The following GATA6 variants were observed in gnomAD, a reference collection of about 807,000 sequenced individuals.
The protein encoded by GATA6 is GATA binding protein 6.
A neutral mutation model predicts 48.1 loss-of-function variants in GATA6; 11 were observed. The ratio of observed to expected loss-of-function variants is 0.23; its 90% CI spans 0.14 to 0.38. The LOEUF is 0.38. GATA6 is among the 10% of genes least tolerant of loss of function. GATA6 has a pLI of 1.00. For missense variants in GATA6, 795 were observed against 850.3 expected (o/e 0.93, Z 0.81); for synonymous variants, 419 against 396.1 (o/e 1.06, Z -0.69).
chr18:22,192,150 G>A (rs1347721672), intron 6 of GATA6, among the ~76,000 whole-genome samples: 1 of 152,192 alleles, frequency 6.6e-6, no homozygotes, highest in African/African-American at 2.4e-5. Context: ...GCAGCCAGGC[G>A]CTAGCTCCAG....
At chr18:22,177,518 T>C (rs1189457480) in intron 3 of GATA6, among the ~76,000 whole-genome samples, 1 of 152,218 alleles carries the variant, frequency 6.6e-6, no homozygotes, top group Non-Finnish European at 1.5e-5. Context: ...GTAATAATTC[T>C]GGTAAGATAG....
At chr18:22,181,426 C>T (rs1321354306) in intron 3 of GATA6, 27 bp from the exon 4 acceptor site, 1 of 1,613,212 alleles carries the variant, frequency 6.2e-7, no homozygotes, top group Non-Finnish European at 8.5e-7. Flanking sequence ...TTATATTTTT[C>T]CACTTATGTT....
chr18:22,172,163 A>G lies in GATA6; in HGVS notation c.1019A>G (p.Tyr340Cys). The change falls in exon 2 of 7, where the codon TAC becomes TGC. Residue 340 changes from tyrosine (Y) to cysteine (C), a missense_variant. By Grantham distance (194) the Tyr-to-Cys change is radical (BLOSUM62 -2). Coordinates refer to ENST00000269216, the MANE Select transcript of GATA6 (RefSeq NM_005257.6). The surrounding 1 kb of genome is among the most constrained non-coding windows in gnomAD (Gnocchi z 5.2). ...CACCATCCGAGCCCCTACTCGCCCT[A>G]CGTGGGGGCGCCACTGACGCCTGCC... ...HHHHPSPYSP[Y>C]VGAPLTPAWP... 2 of 1,530,668 alleles carry G rather than the reference A, an allele frequency of 1.3e-6. No individual in the cohort carries two copies. Among genetic ancestry groups the G allele is most frequent in the Non-Finnish European group, 8.7e-7 (1 of 1,144,414 alleles). The allele number at this position is 1,530,668 out of a possible 1,614,324, so 94.8% of individuals were successfully genotyped here. A position where few individuals can be genotyped will look rare whatever the true frequency, so the allele number is the denominator to read the frequency against.
chr18:22,174,145 G>T (rs1460527878), intron 2 of GATA6, among the ~76,000 whole-genome samples: 1 of 152,212 alleles, frequency 6.6e-6, no homozygotes, highest in Non-Finnish European at 1.5e-5. Flanking sequence ...AGGAGGTAAT[G>T]GTTGGGTGTG....
chr18:22,200,614 C>G, intron 6 of GATA6, 42 bp from the exon 7 acceptor site: 5 of 1,613,560 alleles, frequency 3.1e-6, no homozygotes, highest in Non-Finnish European at 4.2e-6. Context: ...GTAACCGCTT[C>G]TCACCTTCTC....
rs189220485 is a variant in GATA6, at chr18:22,190,701, G to A, written c.1620+7658G>A. 5.4e-4 allele frequency among the ~76,000 whole-genome samples: 83 copies of A among 152,302 alleles called. No individual in the cohort carries two copies. In the East Asian group the frequency reaches 0.013, roughly 23 times the overall value. ...CAGTATTGAAGCCGGGACTGGAACC[G>A]ACGTCTCCTGCCTCCCAGTCCAGGG... is the stretch of plus-strand genomic sequence containing the variant. On this transcript the variant is annotated intron_variant, in intron 6 of 6. Transcript: ENST00000269216.
rs149569288 is a variant in GATA6 at position 22,200,758 on chromosome 18, G to T, written c.1723G>T (p.Ala575Ser). 133 of 1,613,954 alleles carry T rather than the reference G, an allele frequency of 8.2e-5. No homozygotes were observed. The highest frequency in any genetic ancestry group is 1.1e-4 in the Non-Finnish European group (130 of 1,180,028). ...TGGGCTCTACATAGGCGTCAGTCTC[G>T]CCTCGCCGGCCGAAGTCACGTCCTC... ...QDGLYIGVSLASPAEVTSSVR... is the reference protein window; with the variant it reads ...QDGLYIGVSLSSPAEVTSSVR... Residue 575 changes from alanine to serine, a missense_variant, in exon 7 of 7, where the codon GCC becomes TCC. Around this residue, in one of 5 missense-constraint regions of GATA6, gnomAD observed 103 missense variants for 103.7 expected, o/e 0.99. Transcript: ENST00000269216.
chr18:22,177,180 C>T, intron 3 of GATA6, 59 bp downstream of exon 3: 8 of 1,451,636 alleles, frequency 5.5e-6, no homozygotes, highest in Non-Finnish European at 7.3e-6. Flanking sequence ...CCTGGCCCGG[C>T]CGGCCCCGCC....
rs979067151 is a variant in GATA6 at position 22,177,944 on chromosome 18, G to GTTT, written c.1302+828_1302+830dup. Among the ~76,000 whole-genome samples the GTTT allele has an allele frequency of 3.3e-3, 256 of 77,834 alleles. 47 individuals are homozygous for GTTT. The highest frequency in any genetic ancestry group is 0.011 in the African/African-American group (169 of 15,872). 51.1% of individuals were successfully genotyped at this position (77,834 alleles called of 152,430 possible). A position where few individuals can be genotyped will look rare whatever the true frequency, so the allele number is the denominator to read the frequency against. ...TTCCCCAATTCGCACACGTTTTACT[G>GTTT]TTTTTTTGTTTTTTTTTTTTTTTTT... On this transcript the variant is annotated intron_variant, in intron 3 of 6. Coordinates refer to ENST00000269216, the MANE Select transcript of GATA6 (RefSeq NM_005257.6).
intron 6 of GATA6, among the ~76,000 whole-genome samples, chr18:22,200,079 C>T (rs879365337): frequency 6.6e-6 from 1 of 152,016 alleles, no homozygotes; most frequent in Non-Finnish European, 1.5e-5. Context: ...TCCATGAAGT[C>T]AATGTTCAAA....
At chr18:22,177,400 TGACAAA>T (rs1277866870) in intron 3 of GATA6, among the ~76,000 whole-genome samples, 7 of 152,034 alleles carry the variant, frequency 4.6e-5, no homozygotes, top group Non-Finnish European at 7.4e-5. Context: ...CGTCCGTAAA[TGACAAA>T]AACAAAAACA....
chr18:22,171,850 G>C lies in GATA6; in HGVS notation c.706G>C (p.Gly236Arg), dbSNP rs904551659. The C allele has an allele frequency of 8.4e-7, 1 of 1,192,098 alleles. No homozygotes were observed. The highest frequency in any genetic ancestry group is 1.0e-6 in the Non-Finnish European group (1 of 963,406). 73.8% of individuals were successfully genotyped at this position (1,192,098 alleles called of 1,614,324 possible). Residue 236 changes from glycine to arginine, a missense_variant, in exon 2 of 7, where the codon GGC (glycine) becomes CGC (arginine). Physicochemically the swap from Gly to Arg is moderately radical, Grantham distance 125. Coordinates refer to ENST00000269216, the MANE Select transcript of GATA6 (RefSeq NM_005257.6). This position sits in a 1 kb window ranked among gnomAD's most constrained non-coding sequence, Gnocchi z 7.1. ...GGCCTCGGCCGACAGCCCTCCATAC[G>C]GCAGCGGAGGCGGCGCGGCTGGCGG... ...PQASADSPPYGSGGGAAGGGA... is the reference protein window; with the variant it reads ...PQASADSPPYRSGGGAAGGGA...
chr18:22,195,166 T>A (rs952912507), intron 6 of GATA6, among the ~76,000 whole-genome samples: 4 of 152,028 alleles, frequency 2.6e-5, no homozygotes, highest in Admixed American at 1.3e-4. Flanking sequence ...AGAATATCGG[T>A]TTTGAGAGCT....
chr18:22,173,609 C>G (rs892901171), intron 2 of GATA6, among the ~76,000 whole-genome samples: 1 of 152,206 alleles, frequency 6.6e-6, no homozygotes, highest in African/African-American at 2.4e-5. Context: ...GAACAGCTCT[C>G]TGATAGCCTG....
At position 22,171,405 on chromosome 18, in the gene GATA6, C is replaced by T. The variant is rs1293405632; in HGVS notation, c.261C>T (p.Pro87=). The T allele has an allele frequency of 6.3e-7, 1 of 1,588,862 alleles. No individual in the cohort carries two copies. Among genetic ancestry groups the T allele is most frequent in the African/African-American group, 1.3e-5 (1 of 74,680 alleles). Residue 87 remains proline, a synonymous_variant, in exon 2 of 7, where the codon CCC becomes CCT. Transcript: ENST00000269216. The surrounding 1 kb of genome is among the most constrained non-coding windows in gnomAD (Gnocchi z 7.1). ...TGCTCAGTTCCTACGCTTCGCATCC[C>T]TTCGGGGCTCCCCACGGACCTTCGG... is the stretch of plus-strand genomic sequence containing the variant. ...SLLLSSYASH[P]FGAPHGPSAP...
intron 4 of GATA6, 115 bp downstream of exon 4, chr18:22,181,693 T>A (rs1048565301): frequency 2.9e-6 from 3 of 1,041,470 alleles, no homozygotes; most frequent in Non-Finnish European, 4.4e-6. Flanking sequence ...TGAATGCATA[T>A]AATTTATTAC....
Position 22,172,164 on chromosome 18 carries a change from C to T in GATA6, c.1020C>T (p.Tyr340=), listed in dbSNP as rs1205883114. The part of the protein sequence containing the change: ...HHHHPSPYSP[Y]VGAPLTPAWP... ...ACCATCCGAGCCCCTACTCGCCCTA[C>T]GTGGGGGCGCCACTGACGCCTGCCT... The change falls in exon 2 of 7, where the codon TAC becomes TAT. Residue 340 remains tyrosine, a synonymous_variant. Transcript: ENST00000269216. The surrounding 1 kb of genome is among the most constrained non-coding windows in gnomAD (Gnocchi z 5.2). 11 of 1,516,158 alleles carry T rather than the reference C, an allele frequency of 7.3e-6. No homozygotes were observed. Among genetic ancestry groups the T allele is most frequent in the Non-Finnish European group, 9.7e-6 (11 of 1,135,456 alleles). 93.9% of individuals were successfully genotyped at this position (1,516,158 alleles called of 1,614,324 possible).
chr18:22,182,859 A>T lies in GATA6; in HGVS notation c.1516+15A>T. 1 of 1,607,470 alleles carries T rather than the reference A, an allele frequency of 6.2e-7. No individual in the cohort carries two copies. Among genetic ancestry groups the T allele is most frequent in the South Asian group, 1.1e-5 (1 of 90,924 alleles). On this transcript the variant is annotated intron_variant, in intron 5 of 6. Coordinates refer to ENST00000269216, the MANE Select transcript of GATA6 (RefSeq NM_005257.6). ...GACTTGCTCTGGTAAATATACTAAA[A>T]TGACGTTTGACTGTAAAGTATTTGC...
chr18:22,186,071 C>T (rs2033259139), intron 6 of GATA6, among the ~76,000 whole-genome samples: 2 of 152,264 alleles, frequency 1.3e-5, no homozygotes, highest in Admixed American at 6.5e-5. Flanking sequence ...ATCCACATAG[C>T]AAGGTTGTAT....
Sources: allele counts gnomAD v4.1 joint callset (sites outside exome capture counted in the v4.1 genomes callset), GRCh38; gene constraint gnomAD v4.1.1; regional missense constraint gnomAD v4.1.1; non-coding constraint Gnocchi (gnomAD v3.1); transcripts MANE v1.5; gene names NCBI Gene and HGNC (gene_info 2026-07-23, HGNC 2026-07-21).